KIAA1549: variants seen among roughly 807,000 people sequenced by gnomAD.
KIAA1549 encodes the protein KIAA1549, also known as UPF0606 protein KIAA1549.
KIAA1549 carries 70 observed loss-of-function variants against 156.4 expected under a neutral mutation model. The ratio of observed to expected loss-of-function variants is 0.45; its 90% CI spans 0.37 to 0.55. The LOEUF is 0.55. Ranked by LOEUF, KIAA1549 falls within the 20% of genes least tolerant of loss-of-function variation. The pLI is 0.00. For missense variants in KIAA1549, 2,428 were observed against 2,540.9 expected, an observed-to-expected ratio of 0.96 and a Z score of 0.96; for synonymous variants, 1,103 against 1,066.4, an observed-to-expected ratio of 1.03 and a Z score of -0.67.
chr7:138,847,279 G>A (rs111606505), intron 17 of KIAA1549, among the ~76,000 whole-genome samples: 3 of 152,222 alleles, frequency 2.0e-5, no homozygotes, highest in African/African-American at 7.2e-5. Context: ...GACTAACTTG[G>A]GTAACTGGAC....
Position 138,918,700 on chromosome 7 carries a change from T to G in KIAA1549, c.926A>C (p.Gln309Pro). The G allele has an allele frequency of 6.2e-7, 1 of 1,613,792 alleles. No individual in the cohort carries two copies. ...IPLPSLGEVS[Q>P]PPEEVWATSA... The stretch of plus-strand genomic sequence containing the variant: ...TGTGGCCCAAACCTCCTCTGGAGGC[T>G]GTGAGACCTCCCCCAAGGAGGGCAA... The change falls in exon 2 of 20, where the codon CAG (glutamine) becomes CCG (proline). Residue 309 changes from glutamine (Q) to proline (P), a missense_variant. Coordinates refer to ENST00000422774, the MANE Select transcript of KIAA1549 (RefSeq NM_001164665.2). This position sits in a 1 kb window ranked among gnomAD's most constrained non-coding sequence, Gnocchi z 4.2.
Position 138,836,898 on chromosome 7 carries a change from T to G in KIAA1549, c.*1008A>C. 1 of 226,188 alleles carries G rather than the reference T, an allele frequency of 4.4e-6. No homozygotes were observed. The highest frequency in any genetic ancestry group is 6.4e-5 in the East Asian group (1 of 15,564). The allele number at this position is 226,188 out of a possible 1,614,324, so 14.0% of individuals were successfully genotyped here. On this transcript the variant is annotated 3_prime_UTR_variant, in exon 20 of 20. Transcript: ENST00000422774. ...GGATGTATGTATAACAATTTCGTGG[T>G]GCTGGGAATTATTAAATAACTTCTG...
chr7:138,847,688 T>C (rs530266337), intron 17 of KIAA1549, among the ~76,000 whole-genome samples: 61 of 152,360 alleles, frequency 4.0e-4, no homozygotes, highest in African/African-American at 1.4e-3. Context: ...TAACACCTCC[T>C]TCTTCTTTCT....
chr7:138,868,082 T>C lies in KIAA1549; in HGVS notation c.4822A>G (p.Asn1608Asp), dbSNP rs1158842038. The change falls in exon 15 of 20, where the codon AAC becomes GAC. Residue 1608 changes from asparagine (N) to aspartate (D), a missense_variant. This residue lies in a region of KIAA1549 where 404 missense variants were observed against 417.0 expected (regional missense o/e 0.97). Coordinates refer to ENST00000422774, the MANE Select transcript of KIAA1549 (RefSeq NM_001164665.2). ...SPKPRRKHQV[N>D]GCPADAEKDR... The stretch of plus-strand genomic sequence containing the variant: ...TTCTCAGCGTCGGCAGGACAGCCGT[T>C]GACCTGGTGTTTCCGGCGAGGCTTG... 6.2e-7 allele frequency: 1 copy of C among 1,613,848 alleles called. No homozygotes were observed. Among genetic ancestry groups the C allele is most frequent in the Admixed American group, 1.7e-5 (1 of 60,000 alleles).
chr7:138,969,043 G>A lies in KIAA1549; in HGVS notation c.187+12040C>T, dbSNP rs1472628618. Among the ~76,000 whole-genome samples the A allele has an allele frequency of 2.6e-5, 4 of 152,120 alleles. No individual in the cohort carries two copies. The South Asian group carries it at 6.2e-4, about 24-fold the overall frequency. On this transcript the variant is annotated intron_variant, in intron 1 of 19. Transcript: ENST00000422774. ...TTTCATCACCCAGGTATTAAGCCCA[G>A]TACCCAATAGTTATCTTTTCTGCTC...
At chr7:138,848,169 TTTC>T (rs1317665217) in intron 17 of KIAA1549, among the ~76,000 whole-genome samples, 2 of 152,262 alleles carry the variant, frequency 1.3e-5, no homozygotes, top group African/African-American at 2.4e-5. Flanking sequence ...GTATTACTCC[TTTC>T]TTTGAATTCT....
chr7:138,869,828 C>G, intron 13 of KIAA1549, 67 bp from the exon 14 acceptor site: 3 of 1,051,152 alleles, frequency 2.9e-6, no homozygotes, highest in Non-Finnish European at 4.2e-6. Context: ...ACACACACTT[C>G]GCAAAGTCTT....
At chr7:138,944,883 G>A (rs186614690) in intron 1 of KIAA1549, among the ~76,000 whole-genome samples, 25 of 152,318 alleles carry the variant, frequency 1.6e-4, no homozygotes, top group African/African-American at 5.5e-4. Flanking sequence ...TGCCAGGGGC[G>A]AGGAGGGTGC....
Position 138,840,271 on chromosome 7 carries a change from C to G in KIAA1549, c.5460G>C (p.Gln1820His), listed in dbSNP as rs1302107083. Residue 1820 changes from glutamine to histidine, a missense_variant, in exon 19 of 20, where the codon CAG becomes CAC. Coordinates refer to ENST00000422774, the MANE Select transcript of KIAA1549 (RefSeq NM_001164665.2). ...PRPVGGTTGS[Q>H]IQHLTQVGIA... ...TCCCCACCTGTGTCAGGTGCTGGAT[C>G]TGGGAGCCTGGAAGGAACATGGTGG... The G allele has an allele frequency of 6.2e-7, 1 of 1,600,124 alleles. No individual in the cohort carries two copies. The highest frequency in any genetic ancestry group is 2.2e-5 in the East Asian group (1 of 44,466).
chr7:138,878,857 C>T (rs944110475), intron 12 of KIAA1549, among the ~76,000 whole-genome samples: 1 of 152,016 alleles, frequency 6.6e-6, no homozygotes, highest in Non-Finnish European at 1.5e-5. Flanking sequence ...CCAGCAAATA[C>T]AACAGCTGCA....
At chr7:138,949,892 G>A (rs751098056) in intron 1 of KIAA1549, among the ~76,000 whole-genome samples, 9 of 152,312 alleles carry the variant, frequency 5.9e-5, no homozygotes, top group Non-Finnish European at 1.2e-4. Flanking sequence ...CGAGAGCAGC[G>A]AGTACACCTG....
intron 3 of KIAA1549, among the ~76,000 whole-genome samples, chr7:138,912,078 C>T (rs1027264770): frequency 7.2e-5 from 11 of 152,218 alleles, no homozygotes; most frequent in Non-Finnish European, 1.6e-4. Flanking sequence ...AGTAAAATCA[C>T]GAAGGCTGTC....
intron 1 of KIAA1549, among the ~76,000 whole-genome samples, chr7:138,951,561 A>G (rs2718142): frequency 0.26 from 38,973 of 152,022 alleles, 5,918 homozygotes; most frequent in African/African-American, 0.43. Flanking sequence ...CTGCTCCCCA[A>G]TCGTGCTGGC....
chr7:138,942,407 G>C (rs775257333), intron 1 of KIAA1549, among the ~76,000 whole-genome samples: 1 of 151,106 alleles, frequency 6.6e-6, no homozygotes, highest in East Asian at 1.9e-4. Context: ...ATAATATCTC[G>C]GATGCTGAAG....
Position 138,903,690 on chromosome 7 carries a change from T to C in KIAA1549, c.3567A>G (p.Gln1189=). The change falls in exon 8 of 20, where the codon CAA becomes CAG. Residue 1189 remains glutamine (Q), a synonymous_variant. Transcript: ENST00000422774. The stretch of plus-strand genomic sequence containing the variant: ...GGGCCAGCTTGCGTTCCATCTCGGC[T>C]TGAAACACTTCATTCTGGAGTTGCT... ...MEKQLQNEVF[Q]AEMERKLAQL... 6.2e-7 allele frequency: 1 copy of C among 1,608,456 alleles called. No homozygotes were observed. Among genetic ancestry groups the C allele is most frequent in the Non-Finnish European group, 8.5e-7 (1 of 1,177,514 alleles).
intron 12 of KIAA1549, 89 bp from the exon 13 acceptor site, chr7:138,871,451 C>CTTTG: frequency 8.3e-7 from 1 of 1,208,380 alleles, no homozygotes; most frequent in Non-Finnish European, 1.1e-6. Context: ...TTTAAAGAAT[C>CTTTG]TTTGGATGGG....
intron 1 of KIAA1549, among the ~76,000 whole-genome samples, chr7:138,962,623 G>C (rs1472434654): frequency 2.0e-5 from 3 of 152,122 alleles, no homozygotes; most frequent in Admixed American, 6.5e-5. Context: ...AAGGTAGGAG[G>C]GGGTGAAACA....
chr7:138,902,330 C>T (rs1811865025), intron 8 of KIAA1549, among the ~76,000 whole-genome samples: 2 of 152,152 alleles, frequency 1.3e-5, no homozygotes, highest in African/African-American at 4.8e-5. Context: ...ATGTCATTTG[C>T]GTCTTTTTCT....
intron 1 of KIAA1549, among the ~76,000 whole-genome samples, chr7:138,946,947 G>A (rs1205383341): frequency 3.3e-5 from 5 of 152,148 alleles, no homozygotes; most frequent in Non-Finnish European, 7.3e-5. Context: ...CAGGGAGAGA[G>A]GCTGATGGGA....
Sources: gnomAD v4.1 joint callset for allele counts (sites outside exome capture counted in the v4.1 genomes callset) on GRCh38, gnomAD v4.1.1 for gene constraint, gnomAD v4.1.1 regional missense constraint, Gnocchi (gnomAD v3.1) non-coding constraint, MANE v1.5 for transcripts, NCBI Gene and HGNC (gene_info 2026-07-23, HGNC 2026-07-21) for gene names.